The following SNRK variants were observed in gnomAD, a reference collection of about 807,000 sequenced individuals.
The protein encoded by SNRK is SNF-related serine/threonine-protein kinase.
Under a neutral mutation model 48.2 loss-of-function variants are expected in SNRK, and 3 were observed. The ratio of observed to expected loss-of-function variants is 0.06; its 90% CI spans 0.03 to 0.16. The LOEUF is 0.16. Ranked by LOEUF, SNRK falls within the 10% of genes least tolerant of loss-of-function variation. The probability of loss-of-function intolerance (pLI) is 1.00; values close to 1 mark genes in which losing one functional copy is unlikely to be tolerated. For missense variants in SNRK, 627 were observed against 976.0 expected (o/e 0.64, Z 4.76); for synonymous variants, 376 against 366.1 (o/e 1.03, Z -0.31).
At chr3:43,293,853 A>T (rs904511207) in intron 1 of SNRK, among the ~76,000 whole-genome samples, 2 of 152,134 alleles carry the variant, frequency 1.3e-5, no homozygotes, top group East Asian at 3.9e-4. Flanking sequence ...TGGGAGGTTG[A>T]GGTTGCATTG....
chr3:43,292,893 G>A (rs1344342759), intron 1 of SNRK, among the ~76,000 whole-genome samples: 1 of 152,114 alleles, frequency 6.6e-6, no homozygotes, highest in African/African-American at 2.4e-5. Context: ...TGGGATACAT[G>A]TACAGAATGT....
intron 3 of SNRK, among the ~76,000 whole-genome samples, chr3:43,309,512 C>T (rs1487425744): frequency 6.6e-6 from 1 of 152,174 alleles, no homozygotes; most frequent in Non-Finnish European, 1.5e-5. Flanking sequence ...TCAGCAACCA[C>T]CACCCTGATT....
chr3:43,320,009 C>T (rs1025327092), intron 3 of SNRK, among the ~76,000 whole-genome samples: 45 of 152,116 alleles, frequency 3.0e-4, no homozygotes, highest in African/African-American at 9.4e-4. Flanking sequence ...CAAGTGGACC[C>T]GCAACTATTT....
At chr3:43,296,149 C>T (rs538410137) in intron 1 of SNRK, among the ~76,000 whole-genome samples, 2 of 152,130 alleles carry the variant, frequency 1.3e-5, no homozygotes, top group East Asian at 1.9e-4. Context: ...TTACTGTCTT[C>T]CTTTCAGCCT....
intron 1 of SNRK, among the ~76,000 whole-genome samples, chr3:43,290,081 G>A (rs890727509): frequency 1.3e-5 from 2 of 152,082 alleles, no homozygotes; most frequent in East Asian, 3.9e-4. Flanking sequence ...TCAAATCGCA[G>A]CCTCACTGGG....
At chr3:43,319,192 A>G (rs2091035160) in intron 3 of SNRK, among the ~76,000 whole-genome samples, 1 of 152,198 alleles carries the variant, frequency 6.6e-6, no homozygotes, top group Non-Finnish European at 1.5e-5. Flanking sequence ...ATGTGTGGTC[A>G]TCAGGTTGAT....
chr3:43,295,400 C>G lies in SNRK; in HGVS notation c.-168-4354C>G, dbSNP rs560673903. Among the ~76,000 whole-genome samples the G allele has an allele frequency of 1.5e-4, 23 of 152,328 alleles. No homozygotes were observed. In the South Asian group the frequency reaches 4.8e-3, roughly 32 times the overall value. On this transcript the variant is annotated intron_variant, in intron 1 of 6. Coordinates refer to ENST00000296088, the MANE Select transcript of SNRK (RefSeq NM_017719.5). ...CTAGTCCCCTCAGCGGCCCCTAGCCCATCAAATTGATGAAAACGAAGAACA... is the reference window on the plus strand; with the variant it reads ...CTAGTCCCCTCAGCGGCCCCTAGCCGATCAAATTGATGAAAACGAAGAACA...
At chr3:43,310,971 T>C (rs1270797013) in intron 3 of SNRK, among the ~76,000 whole-genome samples, 1 of 152,210 alleles carries the variant, frequency 6.6e-6, no homozygotes, top group African/African-American at 2.4e-5. Context: ...CATCTCTGTT[T>C]TTGAGATTTC....
chr3:43,309,638 A>G (rs2090964589), intron 3 of SNRK, among the ~76,000 whole-genome samples: 1 of 146,404 alleles, frequency 6.8e-6, no homozygotes, highest in South Asian at 2.2e-4. Context: ...ATTCTTTGAG[A>G]TAGGGACTCT....
At chr3:43,292,323 A>T (rs2090818590) in intron 1 of SNRK, among the ~76,000 whole-genome samples, 1 of 152,156 alleles carries the variant, frequency 6.6e-6, no homozygotes, top group Non-Finnish European at 1.5e-5. Flanking sequence ...TAATAAGCTT[A>T]TTTCTGTGTT....
intron 5 of SNRK, among the ~76,000 whole-genome samples, chr3:43,341,341 C>T (rs1344827856): frequency 6.6e-6 from 1 of 151,994 alleles, no homozygotes; most frequent in African/African-American, 2.4e-5. Context: ...TTAGTAGAGA[C>T]GGAGTTTCAC....
At chr3:43,317,134 GTTAATA>G (rs2091019565) in intron 3 of SNRK, among the ~76,000 whole-genome samples, 1 of 152,248 alleles carries the variant, frequency 6.6e-6, no homozygotes, top group East Asian at 1.9e-4. Context: ...AAAACCAAAA[GTTAATA>G]TTTATATAAA....
intron 3 of SNRK, among the ~76,000 whole-genome samples, chr3:43,321,943 T>C (rs936948652): frequency 6.6e-6 from 1 of 152,262 alleles, no homozygotes; most frequent in South Asian, 2.1e-4. Flanking sequence ...CTGTCTCACC[T>C]AGGTCCCTTC....
intron 1 of SNRK, chr3:43,289,729 G>C (rs1369482471): frequency 6.6e-6 from 1 of 152,652 alleles, no homozygotes; most frequent in Non-Finnish European, 1.5e-5. Context: ...TTTCTCTGCT[G>C]TCACTTCCAG....
intron 6 of SNRK, among the ~76,000 whole-genome samples, chr3:43,345,991 G>A (rs557179140): frequency 6.6e-6 from 1 of 152,314 alleles, no homozygotes; most frequent in Admixed American, 6.5e-5. Flanking sequence ...GGGCCTGTCT[G>A]CAGACTCCGG....
At chr3:43,296,287 C>T (rs2090852171) in intron 1 of SNRK, among the ~76,000 whole-genome samples, 1 of 151,688 alleles carries the variant, frequency 6.6e-6, no homozygotes, top group African/African-American at 2.4e-5. Flanking sequence ...GGAAGGATTA[C>T]AGTTTTCATT....
At position 43,303,020 on chromosome 3, in the gene SNRK, A is replaced by T. The variant is rs1452584522; in HGVS notation, c.-106-78A>T. The T allele has an allele frequency of 4.3e-6, 2 of 466,726 alleles. No individual in the cohort carries two copies. Among genetic ancestry groups the T allele is most frequent in the Non-Finnish European group, 7.4e-6 (2 of 268,668 alleles). The allele number at this position is 466,726 out of a possible 1,614,324, so 28.9% of individuals were successfully genotyped here. A position where few individuals can be genotyped will look rare whatever the true frequency, so the allele number is the denominator to read the frequency against. ...TTCAAGTTTCTCTTAAAATGAAAAA[A>T]ACAAAAAATGAAGTGATTTTAAAGT... On this transcript the variant is annotated intron_variant, in intron 2 of 6. Transcript: ENST00000296088. The surrounding 1 kb of genome is among the most constrained non-coding windows in gnomAD (Gnocchi z 6.2).
At chr3:43,298,903 A>G (rs139926273) in intron 1 of SNRK, among the ~76,000 whole-genome samples, 2 of 152,260 alleles carry the variant, frequency 1.3e-5, no homozygotes, top group East Asian at 3.9e-4. Flanking sequence ...CTGGCATCAT[A>G]AGTGATTTCC....
intron 5 of SNRK, 113 bp downstream of exon 5, chr3:43,340,612 G>C (rs1472206266): frequency 1.1e-6 from 1 of 906,402 alleles, no homozygotes; most frequent in African/African-American, 1.7e-5. Flanking sequence ...GTTCCCAGTT[G>C]GCAAGAGTTG....
Sources: allele counts gnomAD v4.1 joint callset (sites outside exome capture counted in the v4.1 genomes callset), GRCh38; gene constraint gnomAD v4.1.1; non-coding constraint Gnocchi (gnomAD v3.1); transcripts MANE v1.5; gene names NCBI Gene and HGNC (gene_info 2026-07-23, HGNC 2026-07-21).